The following SFI1 variants were observed in gnomAD, a reference collection of about 807,000 sequenced individuals.
The protein encoded by SFI1 is protein SFI1 homolog.
A neutral mutation model predicts 207.5 loss-of-function variants in SFI1; 195 were observed. The observed-to-expected ratio is 0.94, with a 90% CI of 0.84 to 1.06. SFI1 has a LOEUF of 1.06. Among genes scored for constraint, SFI1 ranks in the 50% least tolerant of loss-of-function variants. The pLI, the probability that SFI1 is intolerant of heterozygous loss-of-function variation, is 0.00. For synonymous variants in SFI1, 630 were observed against 598.9 expected, an observed-to-expected ratio of 1.05 and a Z score of -0.76; for missense variants, 1,634 against 1,588.0, an observed-to-expected ratio of 1.03 and a Z score of -0.49.
Position 31,618,022 on chromosome 22 carries a change from C to T in SFI1, c.3513-93C>T, listed in dbSNP as rs1482973626. The T allele has an allele frequency of 2.1e-5, 29 of 1,377,906 alleles. No individual in the cohort carries two copies. In the East Asian group the frequency reaches 2.8e-4, roughly 13 times the overall value. The allele number at this position is 1,377,906 out of a possible 1,614,324, so 85.4% of individuals were successfully genotyped here. ...AGACCACCTCTCTCCACCCGATACC[C>T]GCATCAGAATTAGCTGAGGTGCCTC... On this transcript the variant is annotated intron_variant, in intron 31 of 32. Coordinates refer to ENST00000400288, the MANE Select transcript of SFI1 (RefSeq NM_001007467.3).
intron 4 of SFI1, among the ~76,000 whole-genome samples, chr22:31,531,592 T>G (rs982784282): frequency 8.6e-5 from 13 of 151,584 alleles, no homozygotes; most frequent in Non-Finnish European, 1.5e-4. Flanking sequence ...AAACCCCGTC[T>G]CTACAAAAAT....
At chr22:31,575,970 G>A (rs763945926) in intron 10 of SFI1, among the ~76,000 whole-genome samples, 38 of 151,972 alleles carry the variant, frequency 2.5e-4, no homozygotes, top group Non-Finnish European at 4.4e-4. Context: ...AAAGTCACAG[G>A]TCATTGGCAG....
chr22:31,592,878 C>T (rs1240398642), intron 15 of SFI1, among the ~76,000 whole-genome samples: 29 of 133,658 alleles, frequency 2.2e-4, no homozygotes, highest in Admixed American at 7.6e-4. Flanking sequence ...CATCTCCCTC[C>T]CGGACGGGCT....
chr22:31,522,033 A>C (rs1223516869), intron 2 of SFI1, among the ~76,000 whole-genome samples: 1 of 141,958 alleles, frequency 7.0e-6, no homozygotes, highest in Non-Finnish European at 1.5e-5. Context: ...CCAAAGTGCT[A>C]GGATTACAAG....
chr22:31,538,975 C>T (rs1602344362), intron 4 of SFI1, among the ~76,000 whole-genome samples: 1 of 152,114 alleles, frequency 6.6e-6, no homozygotes, highest in Non-Finnish European at 1.5e-5. Context: ...ATAGTATGCC[C>T]GAAACTGAAA....
At chr22:31,579,017 G>A (rs1053123486) in intron 11 of SFI1, among the ~76,000 whole-genome samples, 26 of 152,102 alleles carry the variant, frequency 1.7e-4, no homozygotes, top group African/African-American at 6.3e-4. Flanking sequence ...TAGAGATGCG[G>A]TCTCACTATG....
chr22:31,601,128 C>CTTTTTTTTTTT (rs11354377), intron 15 of SFI1, among the ~76,000 whole-genome samples: 1 of 80,316 alleles, frequency 1.2e-5, no homozygotes, highest in Non-Finnish European at 2.4e-5. Context: ...CTTTTCTTTA[C>CTTTTTTTTTTT]TTTTTTTTTT....
intron 7 of SFI1, among the ~76,000 whole-genome samples, chr22:31,560,768 C>T (rs1379818878): frequency 6.7e-6 from 1 of 150,372 alleles, no homozygotes; most frequent in Non-Finnish European, 1.5e-5. Flanking sequence ...GTGGCGTGAT[C>T]TCAGCTCACT....
At chr22:31,503,725 T>G (rs1025151853) in intron 1 of SFI1, among the ~76,000 whole-genome samples, 1 of 151,516 alleles carries the variant, frequency 6.6e-6, no homozygotes, top group Non-Finnish European at 1.5e-5. Context: ...GTAGCTCGGA[T>G]TACAGGCATT....
In SFI1 at chr22:31,508,178, T is replaced by C. The variant is rs5998018; in HGVS notation, c.-30-77T>C. The C allele has an allele frequency of 6.6e-5, 51 of 777,260 alleles. No individual in the cohort carries two copies. The African/African-American group carries it at 7.7e-4, about 12-fold the overall frequency. The allele number at this position is 777,260 out of a possible 1,614,324, so 48.1% of individuals were successfully genotyped here. ...TTAAGGAGAGCAGGAGACTAGGAGC[T>C]GGCATATAGTTCAGAAATGTGGCTC... On this transcript the variant is annotated intron_variant, in intron 1 of 32. Coordinates refer to ENST00000400288, the MANE Select transcript of SFI1 (RefSeq NM_001007467.3).
In SFI1 at chr22:31,602,476, T is replaced by C. The variant is rs557904498; in HGVS notation, c.1627-131T>C. The C allele has an allele frequency of 5.8e-6, 7 of 1,217,106 alleles. No homozygotes were observed. In the East Asian group the frequency reaches 1.6e-4, roughly 28 times the overall value. The allele number at this position is 1,217,106 out of a possible 1,614,324, so 75.4% of individuals were successfully genotyped here. A position where few individuals can be genotyped will look rare whatever the true frequency, so the allele number is the denominator to read the frequency against. On this transcript the variant is annotated intron_variant, in intron 16 of 32. Coordinates refer to ENST00000400288, the MANE Select transcript of SFI1 (RefSeq NM_001007467.3). The stretch of plus-strand genomic sequence containing the variant: ...CTCAGTGGAGCCTACAGACAGCTTC[T>C]GGGCTGGACCACGTCCTGACATCCA...
In SFI1 at chr22:31,613,674, G is replaced by A. The variant is rs375742538; in HGVS notation, c.2815G>A (p.Gly939Arg). Residue 939 changes from glycine to arginine, a missense_variant, in exon 27 of 33, where the codon GGG becomes AGG. Coordinates refer to ENST00000400288, the MANE Select transcript of SFI1 (RefSeq NM_001007467.3). ...LWKQKVLGRG[G>R]KPQPLAAIAP... ...GAAACAGAAAGTGCTGGGCCGGGGC[G>A]GGAAGCCTCAGCCCCTGGCAGCCAT... The A allele has an allele frequency of 3.1e-5, 50 of 1,609,816 alleles. No homozygotes were observed. The highest frequency in any genetic ancestry group is 3.3e-4 in the Middle Eastern group (2 of 6,006).
chr22:31,611,354 G>T, intron 23 of SFI1, 51 bp downstream of exon 23: 2 of 1,536,254 alleles, frequency 1.3e-6, no homozygotes, highest in Non-Finnish European at 1.8e-6. Flanking sequence ...GGCAAGGGGT[G>T]TCCAGGCCAG....
Position 31,589,514 on chromosome 22 carries a change from A to G in SFI1, c.1481A>G (p.Asn494Ser), listed in dbSNP as rs2065531702. 6.2e-7 allele frequency: 1 copy of G among 1,614,048 alleles called. No individual in the cohort carries two copies. ...RALPAAFHTW[N>S]RLWRWRHQEN... Reference sequence around the variant, plus strand: ...CTGCCTGCTGCCTTCCACACATGGAACAGACTCTGGCGATGGCGCCACCAG... The same window carrying G: ...CTGCCTGCTGCCTTCCACACATGGAGCAGACTCTGGCGATGGCGCCACCAG... The change falls in exon 15 of 33, where the codon AAC becomes AGC. Residue 494 changes from asparagine (N) to serine (S), a missense_variant. Transcript: ENST00000400288.
chr22:31,609,919 C>T (rs1207055663), intron 22 of SFI1, among the ~76,000 whole-genome samples: 1 of 152,206 alleles, frequency 6.6e-6, no homozygotes, highest in Non-Finnish European at 1.5e-5. Flanking sequence ...CACTCCTGGC[C>T]ATGGTGGGAA....
At position 31,590,967 on chromosome 22, in the gene SFI1, AT is replaced by A. The variant is rs1005027663; in HGVS notation, c.1544+1393del. Among the ~76,000 whole-genome samples the A allele has an allele frequency of 8.8e-3, 1,282 of 144,954 alleles. 14 individuals carry two copies. Among genetic ancestry groups the A allele is most frequent in the Middle Eastern group, 0.048 (14 of 292 alleles). ...CTTTTTTCTTTTTATTTATTTATTT[AT>A]TTATTTATTTATTTTTTTATTGATA... On this transcript the variant is annotated intron_variant, in intron 15 of 32. Coordinates refer to ENST00000400288, the MANE Select transcript of SFI1 (RefSeq NM_001007467.3).
chr22:31,614,690 C>A, intron 27 of SFI1, 99 bp from the exon 28 acceptor site: 1 of 1,406,652 alleles, frequency 7.1e-7, no homozygotes, highest in Non-Finnish European at 1.0e-6. Context: ...CCTTTCCTGA[C>A]TTTCAGTCTC....
At chr22:31,614,923 G>T (rs552974849) in intron 28 of SFI1, 63 bp downstream of exon 28, 1 of 1,592,414 alleles carries the variant, frequency 6.3e-7, no homozygotes. Flanking sequence ...CAAAGGCAGC[G>T]GGCACCTCCA....
intron 14 of SFI1, among the ~76,000 whole-genome samples, chr22:31,586,940 C>G (rs971968632): frequency 6.6e-6 from 1 of 152,182 alleles, no homozygotes; most frequent in African/African-American, 2.4e-5. Context: ...TGAATATCAC[C>G]TCTTGGTATA....
Sources: allele counts gnomAD v4.1 joint callset (sites outside exome capture counted in the v4.1 genomes callset), GRCh38; gene constraint gnomAD v4.1.1; transcripts MANE v1.5; gene names NCBI Gene and HGNC (gene_info 2026-07-23, HGNC 2026-07-21).